RAD51B: variants seen among roughly 807,000 people sequenced by gnomAD.
RAD51B encodes RAD51 paralog B.
A neutral mutation model predicts 42.2 loss-of-function variants in RAD51B; 38 were observed. The observed-to-expected ratio is 0.90, with a 90% CI of 0.70 to 1.18. RAD51B has a LOEUF of 1.18. RAD51B is among the 50% of genes most tolerant of loss of function. The probability of loss-of-function intolerance (pLI) is 0.00; values close to 1 mark genes in which losing one functional copy is unlikely to be tolerated. For synonymous variants in RAD51B, 154 were observed against 145.2 expected (o/e 1.06, Z -0.43); for missense variants, 373 against 400.7 (o/e 0.93, Z 0.59).
intron 7 of RAD51B, among the ~76,000 whole-genome samples, chr14:68,265,446 G>A (rs74058872): frequency 0.043 from 6,587 of 152,172 alleles, 452 homozygotes; most frequent in African/African-American, 0.15. Flanking sequence ...GGGGCAGACT[G>A]GTATAAAAAT....
At chr14:68,650,413 C>A (rs1315943433) in intron 10 of RAD51B, among the ~76,000 whole-genome samples, 1 of 152,160 alleles carries the variant, frequency 6.6e-6, no homozygotes, top group African/African-American at 2.4e-5. Context: ...GGTCTTTTAC[C>A]TGTGCTGGGT....
intron 10 of RAD51B, among the ~76,000 whole-genome samples, chr14:68,513,717 A>T (rs1022873677): frequency 2.0e-5 from 3 of 152,146 alleles, no homozygotes; most frequent in African/African-American, 7.2e-5. Context: ...CCACAACACA[A>T]CCCTCACCTC....
At chr14:68,362,973 G>A (rs1163982599) in intron 8 of RAD51B, among the ~76,000 whole-genome samples, 3 of 152,158 alleles carry the variant, frequency 2.0e-5, no homozygotes, top group Admixed American at 6.5e-5. Flanking sequence ...GCACAGTCCT[G>A]GGCACCACTG....
chr14:68,184,281 G>A (rs1022856170), intron 7 of RAD51B, among the ~76,000 whole-genome samples: 2 of 151,932 alleles, frequency 1.3e-5, no homozygotes, highest in African/African-American at 4.8e-5. Flanking sequence ...TCTCATCCAG[G>A]CTGGAGTGCA....
chr14:67,931,198 G>A (rs929140010), intron 7 of RAD51B, among the ~76,000 whole-genome samples: 1 of 152,168 alleles, frequency 6.6e-6, no homozygotes, highest in African/African-American at 2.4e-5. Flanking sequence ...TGGGATTACA[G>A]GCGTGAGCCA....
intron 7 of RAD51B, among the ~76,000 whole-genome samples, chr14:68,010,838 A>T (rs1263799166): frequency 2.0e-5 from 3 of 151,912 alleles, no homozygotes; most frequent in Non-Finnish European, 2.9e-5. Context: ...GCGAATTTAT[A>T]ATAAATAGGG....
chr14:68,146,774 A>C (rs1283288242), intron 7 of RAD51B, among the ~76,000 whole-genome samples: 1 of 152,126 alleles, frequency 6.6e-6, no homozygotes, highest in Non-Finnish European at 1.5e-5. Context: ...GAACACTCTT[A>C]GGGTTTTTTT....
intron 7 of RAD51B, among the ~76,000 whole-genome samples, chr14:68,116,932 TG>T (rs1213245951): frequency 3.9e-5 from 6 of 152,232 alleles, no homozygotes; most frequent in African/African-American, 1.4e-4. Flanking sequence ...TAAGTATTTA[TG>T]TAACACTTCA....
intron 10 of RAD51B, among the ~76,000 whole-genome samples, chr14:68,575,615 G>A (rs1279676238): frequency 6.6e-6 from 1 of 152,158 alleles, no homozygotes; most frequent in Non-Finnish European, 1.5e-5. Flanking sequence ...CACACCCATG[G>A]TGAATGGGGA....
intron 5 of RAD51B, among the ~76,000 whole-genome samples, chr14:67,868,137 A>G (rs946754076): frequency 6.6e-6 from 1 of 152,224 alleles, no homozygotes; most frequent in African/African-American, 2.4e-5. Flanking sequence ...TGAGCGACGC[A>G]GAAGATGGGT....
chr14:68,339,078 T>G (rs1410023058), intron 8 of RAD51B: 5 of 680,476 alleles, frequency 7.3e-6, no homozygotes, highest in Non-Finnish European at 1.4e-5. Flanking sequence ...CAGCTGAGCT[T>G]TCTTGTTCTC....
chr14:67,931,267 T>C (rs1167879141), intron 7 of RAD51B, among the ~76,000 whole-genome samples: 2 of 152,140 alleles, frequency 1.3e-5, no homozygotes, highest in Non-Finnish European at 2.9e-5. Context: ...TGAGACTCTT[T>C]CTTTTGCTTG....
chr14:68,254,514 C>G (rs1390179245), intron 7 of RAD51B, among the ~76,000 whole-genome samples: 2 of 152,188 alleles, frequency 1.3e-5, no homozygotes, highest in African/African-American at 2.4e-5. Flanking sequence ...GATAGTTAAT[C>G]TTGCATTTCA....
At chr14:68,459,617 T>G (rs2085792891) in intron 9 of RAD51B, among the ~76,000 whole-genome samples, 1 of 152,204 alleles carries the variant, frequency 6.6e-6, no homozygotes, top group Non-Finnish European at 1.5e-5. Flanking sequence ...AACGACCACG[T>G]AATCTTGCTG....
chr14:68,247,731 C>T (rs547812534), intron 7 of RAD51B, among the ~76,000 whole-genome samples: 2 of 152,286 alleles, frequency 1.3e-5, no homozygotes, highest in South Asian at 4.1e-4. Context: ...TTATATGTTG[C>T]ATGACATACT....
chr14:68,271,268 GC>G (rs142915528), intron 7 of RAD51B, among the ~76,000 whole-genome samples: 6,254 of 152,260 alleles, frequency 0.041, 440 homozygotes, highest in African/African-American at 0.14. Context: ...AGTGCTTGGT[GC>G]ATAGTAAGGC....
chr14:67,844,427 G>A (rs1268760395), intron 4 of RAD51B, among the ~76,000 whole-genome samples: 1 of 151,612 alleles, frequency 6.6e-6, no homozygotes, highest in East Asian at 1.9e-4. Flanking sequence ...TTAATGATCT[G>A]TCTTATAATG....
At chr14:68,363,895 G>C (rs544599655) in intron 8 of RAD51B, among the ~76,000 whole-genome samples, 21 of 152,294 alleles carry the variant, frequency 1.4e-4, no homozygotes, top group Non-Finnish European at 2.5e-4. Flanking sequence ...TGCAGAGAAG[G>C]GGCCACATCG....
In RAD51B at chr14:68,095,373, C is replaced by T. The variant is rs140601391; in HGVS notation, c.757-196511C>T. 1.6e-3 allele frequency among the ~76,000 whole-genome samples: 250 copies of T among 152,096 alleles called. 1 individual carries two copies. Among genetic ancestry groups the T allele is most frequent in the Middle Eastern group, 6.8e-3 (2 of 294 alleles). ...ACCAGTGCTCTTGAAGAGTATGATG[C>T]ACTCCGATTAATAGAAGTTGTGCTC... On this transcript the variant is annotated intron_variant, in intron 7 of 10. Transcript: ENST00000471583.
Sources: gnomAD v4.1 joint callset for allele counts (sites outside exome capture counted in the v4.1 genomes callset) on GRCh38, gnomAD v4.1.1 for gene constraint, MANE v1.5 for transcripts, NCBI Gene and HGNC (gene_info 2026-07-23, HGNC 2026-07-21) for gene names.